NSRP1: variants seen among roughly 807,000 people sequenced by gnomAD.
NSRP1 encodes the protein nuclear speckle splicing regulatory protein 1.
Under a neutral mutation model 54.7 loss-of-function variants are expected in NSRP1, and 24 were observed. The observed-to-expected ratio is 0.44, with a 90% CI of 0.32 to 0.62. The LOEUF (loss-of-function observed/expected upper bound fraction) is 0.62, where lower values mean the gene tolerates loss of function less well. Ranked by LOEUF, NSRP1 falls within the 20% of genes least tolerant of loss-of-function variation. The pLI, the probability that NSRP1 is intolerant of heterozygous loss-of-function variation, is 0.06. For synonymous variants in NSRP1, 210 were observed against 213.8 expected (o/e 0.98, Z 0.15); for missense variants, 596 against 651.2 (o/e 0.92, Z 0.92).
intron 3 of NSRP1, among the ~76,000 whole-genome samples, chr17:30,177,143 G>T (rs1401831802): frequency 1.3e-5 from 2 of 151,924 alleles, no homozygotes; most frequent in Non-Finnish European, 2.9e-5. Flanking sequence ...CGCTGAGGTG[G>T]GTGGATCATT....
At chr17:30,177,877 T>G in intron 3 of NSRP1, 194 bp from the exon 4 acceptor site, 1 of 651,054 alleles carries the variant, frequency 1.5e-6, no homozygotes, top group South Asian at 1.7e-5. Flanking sequence ...TTGCCCGGAG[T>G]AATTAGTAAG....
At chr17:30,142,311 TA>T (rs1368638614) in intron 2 of NSRP1, among the ~76,000 whole-genome samples, 4 of 152,138 alleles carry the variant, frequency 2.6e-5, no homozygotes, top group Non-Finnish European at 4.4e-5. Context: ...ATTACTTTTT[TA>T]AAAATGTATT....
intron 2 of NSRP1, among the ~76,000 whole-genome samples, chr17:30,167,339 G>A (rs190560615): frequency 1.3e-5 from 2 of 152,208 alleles, no homozygotes; most frequent in African/African-American, 2.4e-5. Flanking sequence ...GGCCGGGCAC[G>A]GTGGCTCACA....
At chr17:30,133,485 C>T (rs2071720742) in intron 2 of NSRP1, among the ~76,000 whole-genome samples, 1 of 152,036 alleles carries the variant, frequency 6.6e-6, no homozygotes, top group Non-Finnish European at 1.5e-5. Context: ...AAGCTGTAAA[C>T]AGATGTGCTG....
chr17:30,180,872 T>C, intron 5 of NSRP1, 36 bp from the exon 6 acceptor site: 3 of 1,271,320 alleles, frequency 2.4e-6, no homozygotes, highest in East Asian at 4.6e-5. Flanking sequence ...CTGTGCCTTA[T>C]TGAATATATT....
At chr17:30,165,100 G>A (rs757611558) in intron 2 of NSRP1, among the ~76,000 whole-genome samples, 5 of 152,130 alleles carry the variant, frequency 3.3e-5, no homozygotes, top group Admixed American at 6.5e-5. Flanking sequence ...ATCTCAAAAC[G>A]ATATACTGCA....
intron 1 of NSRP1, chr17:30,117,544 A>AT: frequency 2.5e-6 from 1 of 402,898 alleles, no homozygotes; most frequent in East Asian, 3.6e-5. Flanking sequence ...TGATCTTAAT[A>AT]AAGTGTAATG....
At chr17:30,134,333 A>G (rs116833242) in intron 2 of NSRP1, among the ~76,000 whole-genome samples, 16 of 152,362 alleles carry the variant, frequency 1.1e-4, no homozygotes, top group African/African-American at 3.8e-4. Context: ...TATTGTGAGA[A>G]TTACCAAAAT....
intron 2 of NSRP1, among the ~76,000 whole-genome samples, chr17:30,143,421 C>G (rs2071824177): frequency 6.6e-6 from 1 of 152,116 alleles, no homozygotes; most frequent in South Asian, 2.1e-4. Flanking sequence ...TATAACTGAA[C>G]TCTAATAAAA....
chr17:30,169,420 A>G (rs1488867402), intron 2 of NSRP1, among the ~76,000 whole-genome samples: 1 of 152,092 alleles, frequency 6.6e-6, no homozygotes, highest in Non-Finnish European at 1.5e-5. Context: ...TAATCTTCTC[A>G]GTCAGTCCTG....
intron 2 of NSRP1, among the ~76,000 whole-genome samples, chr17:30,171,966 A>ACACACT (rs1567804337): frequency 2.3e-5 from 3 of 129,152 alleles, no homozygotes; most frequent in Non-Finnish European, 1.7e-5. Context: ...ACACACACAC[A>ACACACT]CACACACTCC....
intron 3 of NSRP1, among the ~76,000 whole-genome samples, chr17:30,173,151 A>G (rs1905017372): frequency 6.6e-6 from 1 of 152,044 alleles, no homozygotes; most frequent in Non-Finnish European, 1.5e-5. Flanking sequence ...TTTAGTAGAG[A>G]CGGGGTTTCA....
chr17:30,129,498 C>T (rs934460787), intron 2 of NSRP1, among the ~76,000 whole-genome samples: 3 of 151,802 alleles, frequency 2.0e-5, no homozygotes, highest in South Asian at 2.1e-4. Flanking sequence ...AGTGTATACA[C>T]TTCCATTCCT....
chr17:30,165,689 A>C (rs530122956), intron 2 of NSRP1, among the ~76,000 whole-genome samples: 1 of 152,216 alleles, frequency 6.6e-6, no homozygotes, highest in Admixed American at 6.5e-5. Context: ...TAAAGCCACT[A>C]TCAGTTCTAG....
intron 6 of NSRP1, among the ~76,000 whole-genome samples, chr17:30,181,699 C>T (rs896297963): frequency 2.0e-5 from 3 of 151,478 alleles, no homozygotes; most frequent in Admixed American, 2.0e-4. Flanking sequence ...CAACCTCTGC[C>T]TCTCAAGTTC....
At chr17:30,118,641 T>C (rs2071566563) in intron 2 of NSRP1, among the ~76,000 whole-genome samples, 1 of 152,314 alleles carries the variant, frequency 6.6e-6, no homozygotes, top group Non-Finnish European at 1.5e-5. Flanking sequence ...TTGATAGTAC[T>C]ACAGTAACAT....
chr17:30,181,604 T>C (rs563719871), intron 6 of NSRP1, among the ~76,000 whole-genome samples: 84 of 149,124 alleles, frequency 5.6e-4, no homozygotes, highest in Non-Finnish European at 1.1e-3. Flanking sequence ...GTGGTTTTTT[T>C]TTTTTGTTTT....
chr17:30,127,717 T>TAACAAC (rs1419116917), intron 2 of NSRP1: 7 of 328,748 alleles, frequency 2.1e-5, no homozygotes, highest in African/African-American at 4.3e-5. Context: ...ACTGGCCTAG[T>TAACAAC]TGTTGCTTTT....
chr17:30,165,029 G>A (rs1206961658), intron 2 of NSRP1, among the ~76,000 whole-genome samples: 2 of 152,112 alleles, frequency 1.3e-5, no homozygotes, highest in Middle Eastern at 3.4e-3. Flanking sequence ...ATGTTTTTGC[G>A]ATATTTATAC....
Sources: allele counts gnomAD v4.1 joint callset (sites outside exome capture counted in the v4.1 genomes callset), GRCh38; gene constraint gnomAD v4.1.1; transcripts MANE v1.5; gene names NCBI Gene and HGNC (gene_info 2026-07-23, HGNC 2026-07-21).